Variants in DMD observed in about 807,000 individuals in gnomAD.
DMD encodes the protein dystrophin.
DMD carries 63 observed loss-of-function variants against 330.1 expected under a neutral mutation model. The ratio of observed to expected loss-of-function variants is 0.19; its 90% CI spans 0.16 to 0.24. DMD has a LOEUF of 0.24. Ranked by LOEUF, DMD falls within the 10% of genes least tolerant of loss-of-function variation. The pLI, the probability that DMD is intolerant of heterozygous loss-of-function variation, is 1.00. For missense variants in DMD, 3,344 were observed against 2,684.1 expected (o/e 1.25, Z -5.43); for synonymous variants, 1,223 against 959.8 (o/e 1.27, Z -5.07).
intron 4 of DMD, among the ~76,000 whole-genome samples, chrX:32,826,022 A>G (rs1043736720): frequency 9.0e-6 from 1 of 111,192 alleles, no homozygotes; most frequent in Non-Finnish European, 1.9e-5. Context: ...CTCAAACCCT[A>G]TCTAGGGCAA....
intron 51 of DMD, among the ~76,000 whole-genome samples, chrX:31,756,898 T>C (rs984056532): frequency 1.8e-5 from 2 of 111,729 alleles, no homozygotes; most frequent in Non-Finnish European, 3.8e-5. Flanking sequence ...CAATTATTTC[T>C]ACTATTTAAT....
At chrX:33,338,794 C>T (rs2054293405) in intron 1 of DMD, among the ~76,000 whole-genome samples, 1 of 111,615 alleles carries the variant, frequency 9.0e-6, no homozygotes, top group Admixed American at 9.6e-5. Flanking sequence ...CAGCCAAACT[C>T]CTTATAAAAT....
At chrX:32,126,599 T>C (rs765601893) in intron 44 of DMD, among the ~76,000 whole-genome samples, 1 of 112,362 alleles carries the variant, frequency 8.9e-6, no homozygotes, top group East Asian at 2.8e-4. Flanking sequence ...GTTCACTTGA[T>C]GTGTTCGCAC....
chrX:31,851,245 C>T (rs1312842210), intron 48 of DMD, among the ~76,000 whole-genome samples: 1 of 110,730 alleles, frequency 9.0e-6, no homozygotes, highest in East Asian at 2.8e-4. Context: ...GTTCTCTCTT[C>T]CCATTTTGAA....
intron 44 of DMD, among the ~76,000 whole-genome samples, chrX:32,064,207 T>A (rs1183056101): frequency 1.8e-5 from 2 of 111,601 alleles, no homozygotes; most frequent in Non-Finnish European, 3.8e-5. Flanking sequence ...AGACTATTCA[T>A]CACATATTCA....
At chrX:32,719,134 C>A (rs773080283) in intron 7 of DMD, among the ~76,000 whole-genome samples, 1 of 111,793 alleles carries the variant, frequency 8.9e-6, no homozygotes, top group East Asian at 2.8e-4. Context: ...ACCCATGCAT[C>A]CTCTATCATG....
intron 12 of DMD, among the ~76,000 whole-genome samples, chrX:32,604,109 G>A (rs60340634): frequency 0.14 from 15,382 of 110,006 alleles, 2,676 homozygotes; most frequent in African/African-American, 0.48. Context: ...CAGAATGCTA[G>A]CAAACCAAAC....
At chrX:31,860,101 T>TAA (rs111527696) in intron 48 of DMD, among the ~76,000 whole-genome samples, 1 of 103,767 alleles carries the variant, frequency 9.6e-6, no homozygotes. Flanking sequence ...TTAGAGTACA[T>TAA]AAAAAAAAAA....
At chrX:32,429,879 T>C (rs934384979) in intron 29 of DMD, among the ~76,000 whole-genome samples, 2 of 111,555 alleles carry the variant, frequency 1.8e-5, no homozygotes, top group Admixed American at 9.5e-5. Flanking sequence ...CAAATGCCTT[T>C]TGTATTTAAA....
intron 51 of DMD, among the ~76,000 whole-genome samples, chrX:31,730,837 C>T (rs781304668): frequency 9.0e-6 from 1 of 111,281 alleles, no homozygotes; most frequent in African/African-American, 3.3e-5. Flanking sequence ...GATGTTCTAC[C>T]ACATGAGGCC....
chrX:32,726,178 C>T (rs1414160352), intron 7 of DMD, among the ~76,000 whole-genome samples: 3 of 111,025 alleles, frequency 2.7e-5, no homozygotes, highest in African/African-American at 6.5e-5. Context: ...TATGACACTG[C>T]GGGGTTAGCA....
chrX:31,845,707 A>G (rs1372552807), intron 48 of DMD, among the ~76,000 whole-genome samples: 1 of 110,515 alleles, frequency 9.0e-6, no homozygotes, highest in Non-Finnish European at 1.9e-5. Flanking sequence ...TGATGGGGAA[A>G]AAGAAAATTT....
chrX:31,322,890 A>C (rs1379174130), intron 62 of DMD, among the ~76,000 whole-genome samples: 1 of 111,840 alleles, frequency 8.9e-6, no homozygotes, highest in Non-Finnish European at 1.9e-5. Flanking sequence ...GTTAAATTTA[A>C]GTTAGACTCT....
Position 32,040,489 on chromosome X carries a change from G to A in DMD, c.6439-71975C>T, listed in dbSNP as rs371795957. 4.6e-4 allele frequency among the ~76,000 whole-genome samples: 51 copies of A among 111,953 alleles called. 1 individual carries two copies. The highest frequency in any genetic ancestry group is 1.5e-3 in the African/African-American group (47 of 30,813). ...TTCTTCATTTAAAACCGTAGCTAAA[G>A]TCCAGACCAGAGAATGATTTGAAAA... On this transcript the variant is annotated intron_variant, in intron 44 of 78. Coordinates refer to ENST00000357033, the MANE Select transcript of DMD (RefSeq NM_004006.3).
intron 47 of DMD, among the ~76,000 whole-genome samples, chrX:31,924,896 T>A (rs1406231731): frequency 7.1e-5 from 8 of 112,036 alleles, no homozygotes; most frequent in Non-Finnish European, 1.3e-4. Flanking sequence ...AGTAAATTAC[T>A]GTTTACATGT....
At chrX:32,604,808 T>C (rs1489394960) in intron 12 of DMD, among the ~76,000 whole-genome samples, 2 of 63,159 alleles carry the variant, frequency 3.2e-5, no homozygotes, top group Non-Finnish European at 5.9e-5. Context: ...TTACAACAAC[T>C]ACAAAAAAAA....
At chrX:32,507,228 T>C (rs2044719755) in intron 18 of DMD, among the ~76,000 whole-genome samples, 1 of 111,377 alleles carries the variant, frequency 9.0e-6, no homozygotes, top group Admixed American at 9.6e-5. Flanking sequence ...ATACAACACA[T>C]AAAGGAACAA....
chrX:33,263,180 T>C (rs6631768), intron 1 of DMD, among the ~76,000 whole-genome samples: 11,393 of 110,015 alleles, frequency 0.1, 887 homozygotes, highest in East Asian at 0.59. Context: ...TAATAAAATA[T>C]ATACATGTAT....
intron 48 of DMD, among the ~76,000 whole-genome samples, chrX:31,850,911 T>C (rs1259646002): frequency 8.9e-6 from 1 of 112,423 alleles, no homozygotes; most frequent in African/African-American, 3.2e-5. Context: ...CCTGGTCGCA[T>C]ATATTGACTG....
Sources: allele counts gnomAD v4.1 joint callset (sites outside exome capture counted in the v4.1 genomes callset), GRCh38; gene constraint gnomAD v4.1.1; transcripts MANE v1.5; gene names NCBI Gene and HGNC (gene_info 2026-07-23, HGNC 2026-07-21).